The following WNT7A variants were observed in gnomAD, a reference collection of about 807,000 sequenced individuals.
The protein encoded by WNT7A is protein Wnt-7a.
Under a neutral mutation model 28.2 loss-of-function variants are expected in WNT7A, and 16 were observed. That is an observed-to-expected ratio of 0.57 (90% CI 0.38 to 0.86). WNT7A has a LOEUF of 0.86. WNT7A is among the 40% of genes least tolerant of loss of function. The pLI is 0.00. For missense variants in WNT7A, 411 were observed against 489.7 expected (o/e 0.84, Z 1.52); for synonymous variants, 190 against 195.9 (o/e 0.97, Z 0.25).
chr3:13,856,896 G>T (rs371712023), intron 2 of WNT7A, among the ~76,000 whole-genome samples: 5 of 33,614 alleles, frequency 1.5e-4, no homozygotes, highest in African/African-American at 4.9e-4. Context: ...AGAAGAAAAA[G>T]AAGAAGAAGA....
At chr3:13,854,498 G>T (rs1049228992) in intron 3 of WNT7A, 34 bp downstream of exon 3, 1 of 1,613,470 alleles carries the variant, frequency 6.2e-7, no homozygotes, top group Non-Finnish European at 8.5e-7. Context: ...GCATCTCCGC[G>T]AGCGCCGCCC....
chr3:13,830,302 G>A (rs1178661156), intron 3 of WNT7A, among the ~76,000 whole-genome samples: 1 of 152,146 alleles, frequency 6.6e-6, no homozygotes, highest in Non-Finnish European at 1.5e-5. Context: ...AGGCTGGAGG[G>A]CTGATGGCTT....
rs748092973 is a variant in WNT7A at position 13,854,670 on chromosome 3, G to A, written c.432C>T (p.Asp144=). Residue 144 remains aspartate, a synonymous_variant, in exon 3 of 4, where the codon GAC becomes GAT. Transcript: ENST00000285018. ...AGCAGCCACCCCACTTCCAGCCCTC[G>A]TCCCGGTGGTACTGGCCTTGCTTCT... The part of the protein sequence containing the change: ...DKEKQGQYHR[D]EGWKWGGCSA... The A allele has an allele frequency of 2.2e-5, 36 of 1,614,026 alleles. No individual in the cohort carries two copies. The highest frequency in any genetic ancestry group is 1.5e-4 in the African/African-American group (11 of 74,934).
chr3:13,857,553 A>G (rs912745966), intron 2 of WNT7A, among the ~76,000 whole-genome samples: 1 of 152,148 alleles, frequency 6.6e-6, no homozygotes, highest in Non-Finnish European at 1.5e-5. Flanking sequence ...GCATTTGCAT[A>G]GATTTGAGGC....
intron 2 of WNT7A, among the ~76,000 whole-genome samples, chr3:13,871,167 C>T (rs1192577881): frequency 2.0e-5 from 3 of 152,300 alleles, no homozygotes; most frequent in Non-Finnish European, 2.9e-5. Context: ...TGGGGTGGAG[C>T]TTTGGAAAGT....
chr3:13,878,155 G>T (rs919291106), intron 1 of WNT7A, among the ~76,000 whole-genome samples: 4 of 152,252 alleles, frequency 2.6e-5, no homozygotes, highest in Admixed American at 2.6e-4. Flanking sequence ...CTGGGCCCCC[G>T]CAGGGCCAAT....
At chr3:13,868,588 GA>G (rs1694951931) in intron 2 of WNT7A, among the ~76,000 whole-genome samples, 1 of 14,028 alleles carries the variant, frequency 7.1e-5, no homozygotes, top group Non-Finnish European at 1.2e-4. Context: ...GAGAGAGAGA[GA>G]GGGAGAAAGA....
At chr3:13,869,498 A>C (rs1188752527) in intron 2 of WNT7A, among the ~76,000 whole-genome samples, 2 of 149,130 alleles carry the variant, frequency 1.3e-5, no homozygotes, top group Non-Finnish European at 3.0e-5. Flanking sequence ...AGGGAGGGAA[A>C]GAGAGAGGAA....
At chr3:13,835,699 A>T (rs1694356526) in intron 3 of WNT7A, among the ~76,000 whole-genome samples, 1 of 152,284 alleles carries the variant, frequency 6.6e-6, no homozygotes, top group Admixed American at 6.5e-5. Flanking sequence ...CACCAGAAAC[A>T]CACTCACACA....
intron 3 of WNT7A, among the ~76,000 whole-genome samples, chr3:13,845,040 C>A (rs1172805373): frequency 3.3e-5 from 5 of 152,244 alleles, no homozygotes; most frequent in Admixed American, 1.3e-4. Flanking sequence ...GAGCCCCTGA[C>A]TCTACCTCAC....
At position 13,831,261 on chromosome 3, in the gene WNT7A, G is replaced by A. The variant is rs567231109; in HGVS notation, c.571-11838C>T. 7.2e-5 allele frequency among the ~76,000 whole-genome samples: 11 copies of A among 152,324 alleles called. 1 individual carries two copies. The highest frequency in any genetic ancestry group is 3.3e-4 in the Admixed American group (5 of 15,304). ...ACCTCTAATAAAAGCCGCTGCCTCC[G>A]AGGTAGCTGCGGTGTCCAGTGCCTG... On this transcript the variant is annotated intron_variant, in intron 3 of 3. Coordinates refer to ENST00000285018, the MANE Select transcript of WNT7A (RefSeq NM_004625.4).
At chr3:13,870,510 A>G (rs1308562631) in intron 2 of WNT7A, among the ~76,000 whole-genome samples, 1 of 152,188 alleles carries the variant, frequency 6.6e-6, no homozygotes, top group Non-Finnish European at 1.5e-5. Context: ...CTAGCAGACT[A>G]GTACACTCGT....
chr3:13,837,169 C>A (rs1694383871), intron 3 of WNT7A, among the ~76,000 whole-genome samples: 1 of 152,136 alleles, frequency 6.6e-6, no homozygotes, highest in Non-Finnish European at 1.5e-5. Context: ...TCAGCCCCGC[C>A]AAAACCCTTC....
chr3:13,823,401 A>T (rs577536087), intron 3 of WNT7A, among the ~76,000 whole-genome samples: 1 of 152,318 alleles, frequency 6.6e-6, no homozygotes, highest in South Asian at 2.1e-4. Flanking sequence ...TAATTCACCA[A>T]GGGGGTGCAT....
chr3:13,838,784 T>C (rs1694410833), intron 3 of WNT7A, among the ~76,000 whole-genome samples: 1 of 152,146 alleles, frequency 6.6e-6, no homozygotes, highest in African/African-American at 2.4e-5. Context: ...TGGAGTGGAC[T>C]TTCCAGAAGG....
At chr3:13,836,583 G>T (rs1043955452) in intron 3 of WNT7A, among the ~76,000 whole-genome samples, 1 of 152,220 alleles carries the variant, frequency 6.6e-6, no homozygotes, top group Non-Finnish European at 1.5e-5. Context: ...CCCTCCAGTG[G>T]AACCTCCCAC....
chr3:13,864,857 T>C (rs115863867), intron 2 of WNT7A, among the ~76,000 whole-genome samples: 2,216 of 152,344 alleles, frequency 0.015, 63 homozygotes, highest in African/African-American at 0.051. Context: ...TGTACTTGTA[T>C]GGAAACTCAG....
chr3:13,842,280 G>A (rs542707384), intron 3 of WNT7A, among the ~76,000 whole-genome samples: 7 of 152,294 alleles, frequency 4.6e-5, no homozygotes, highest in Non-Finnish European at 7.4e-5. Context: ...GGGGACTGTC[G>A]TGCCACTGCA....
chr3:13,818,957 T>A lies in WNT7A; in HGVS notation c.1037A>T (p.Tyr346Phe). 6.3e-7 allele frequency: 1 copy of A among 1,579,414 alleles called. No individual in the cohort carries two copies. The highest frequency in any genetic ancestry group is 8.6e-7 in the Non-Finnish European group (1 of 1,157,732). The change falls in exon 4 of 4, where the codon TAC becomes TTC. Residue 346 changes from tyrosine (Y) to phenylalanine (F), a missense_variant. Transcript: ENST00000285018. The part of the protein sequence containing the change: ...CNTCSERTEM[Y>F]TCK ...TGCACACGGGGCTCACTTGCACGTG[T>A]ACATCTCCGTGCGCTCGCTGCACGT...
Sources: allele counts gnomAD v4.1 joint callset (sites outside exome capture counted in the v4.1 genomes callset), GRCh38; gene constraint gnomAD v4.1.1; transcripts MANE v1.5; gene names NCBI Gene and HGNC (gene_info 2026-07-23, HGNC 2026-07-21).